OTOGL: variants seen among roughly 807,000 people sequenced by gnomAD.
OTOGL encodes the protein otogelin-like protein.
OTOGL carries 285 observed loss-of-function variants against 318.5 expected under a neutral mutation model. The observed-to-expected ratio is 0.89, with a 90% CI of 0.81 to 0.99. OTOGL has a LOEUF of 0.99. OTOGL is among the 50% of genes least tolerant of loss of function. The pLI, the probability that OTOGL is intolerant of heterozygous loss-of-function variation, is 0.00. For synonymous variants in OTOGL, 987 were observed against 936.5 expected, an observed-to-expected ratio of 1.05 and a Z score of -0.99; for missense variants, 2,899 against 2,845.6, an observed-to-expected ratio of 1.02 and a Z score of -0.43.
chr12:80,254,974 T>C, intron 15 of OTOGL, 66 bp from the exon 16 acceptor site: 1 of 1,272,382 alleles, frequency 7.9e-7, no homozygotes, highest in Non-Finnish European at 1.0e-6. Context: ...GGTATCATCC[T>C]CCTCTCTCTC....
Position 80,336,540 on chromosome 12 carries a change from A to G in OTOGL, c.4728A>G (p.Lys1576=). The G allele has an allele frequency of 6.2e-7, 1 of 1,608,408 alleles. No individual in the cohort carries two copies. Among genetic ancestry groups the G allele is most frequent in the Non-Finnish European group, 8.5e-7 (1 of 1,176,626 alleles). ...AAATTATAGTTGCTCATATCGAAAA[A>G]TGTTCCATGAATCAGGTGGGTCATA... ...PGEIIVAHIE[K]CSMNQNGNSL... is the part of the protein sequence containing the mutation. The change falls in exon 40 of 59, where the codon AAA becomes AAG. Residue 1576 remains lysine, a synonymous_variant. Transcript: ENST00000547103.
At chr12:80,128,143 G>C (rs534645312) in intron 1 of OTOGL, among the ~76,000 whole-genome samples, 7 of 152,294 alleles carry the variant, frequency 4.6e-5, no homozygotes, top group African/African-American at 1.7e-4. Context: ...CAGTTTTTCT[G>C]CTCTGTTTTT....
intron 1 of OTOGL, among the ~76,000 whole-genome samples, chr12:80,119,720 T>A (rs10862053): frequency 0.55 from 84,196 of 151,980 alleles, 23,506 homozygotes; most frequent in Middle Eastern, 0.58. Context: ...TAAAGGCAGA[T>A]ACTATGTCTT....
intron 43 of OTOGL, among the ~76,000 whole-genome samples, chr12:80,341,127 G>C (rs898840870): frequency 3.3e-5 from 5 of 151,964 alleles, no homozygotes; most frequent in African/African-American, 1.2e-4. Flanking sequence ...CTTAAAGTCG[G>C]GTGGGATTTG....
rs772004656 is a variant in OTOGL, at chr12:80,310,694, G to T, written c.3417G>T (p.Leu1139Phe). The T allele has an allele frequency of 3.1e-6, 5 of 1,590,878 alleles. No individual in the cohort carries two copies. The highest frequency in any genetic ancestry group is 4.3e-6 in the Non-Finnish European group (5 of 1,172,020). ...FPYAKKECSI[L>F]YSDIFASCRN... The stretch of plus-strand genomic sequence containing the variant: ...ATGCCAAGAAAGAATGCTCCATTTT[G>T]TACAGTGATATTTTTGCTTCTTGTC... Residue 1139 changes from leucine to phenylalanine, a missense_variant, in exon 30 of 59, where the codon TTG (leucine) becomes TTT (phenylalanine). Leu to Phe is a conservative substitution (Grantham distance 22, BLOSUM62 0). This residue lies in a region of OTOGL where 2,607 missense variants were observed against 2,524.9 expected (regional missense o/e 1.03). Coordinates refer to ENST00000547103, the MANE Select transcript of OTOGL (RefSeq NM_001378609.3).
At chr12:80,174,329 T>C (rs1180931405) in intron 1 of OTOGL, among the ~76,000 whole-genome samples, 4 of 152,208 alleles carry the variant, frequency 2.6e-5, no homozygotes, top group African/African-American at 7.2e-5. Context: ...AGGTGTACCA[T>C]AGTTTTCGAA....
intron 1 of OTOGL, among the ~76,000 whole-genome samples, chr12:80,178,061 C>CTTTTTTTTTTTTTTT (rs71094968): frequency 3.6e-4 from 27 of 74,936 alleles, no homozygotes; most frequent in South Asian, 5.6e-4. Flanking sequence ...TTCTTTCTTT[C>CTTTTTTTTTTTTTTT]TTTTTTTTTT....
At chr12:80,372,807 G>A (rs1423598265) in intron 57 of OTOGL, among the ~76,000 whole-genome samples, 4 of 151,812 alleles carry the variant, frequency 2.6e-5, no homozygotes, top group Non-Finnish European at 5.9e-5. Flanking sequence ...TCATGCCTCA[G>A]CCTCCTGAGT....
intron 42 of OTOGL, among the ~76,000 whole-genome samples, chr12:80,338,688 A>C (rs1888558718): frequency 6.6e-6 from 1 of 152,134 alleles, no homozygotes; most frequent in Non-Finnish European, 1.5e-5. Flanking sequence ...ACAATGATTT[A>C]GAAGATCAAG....
intron 28 of OTOGL, among the ~76,000 whole-genome samples, chr12:80,304,561 A>G (rs1395467024): frequency 6.6e-6 from 1 of 152,216 alleles, no homozygotes; most frequent in Non-Finnish European, 1.5e-5. Flanking sequence ...AATGTGAAAT[A>G]TGATTGTATA....
At chr12:80,187,898 G>A (rs557105607) in intron 1 of OTOGL, among the ~76,000 whole-genome samples, 1 of 152,162 alleles carries the variant, frequency 6.6e-6, no homozygotes, top group Non-Finnish European at 1.5e-5. Flanking sequence ...ACTATCTTGA[G>A]AAGGTCACCG....
At chr12:80,355,509 C>T (rs1361966394) in intron 46 of OTOGL, among the ~76,000 whole-genome samples, 1 of 152,060 alleles carries the variant, frequency 6.6e-6, no homozygotes, top group African/African-American at 2.4e-5. Flanking sequence ...TAGGCACGAG[C>T]CACTGCATCT....
intron 42 of OTOGL, among the ~76,000 whole-genome samples, chr12:80,338,017 T>C (rs572067232): frequency 4.1e-4 from 63 of 152,176 alleles, no homozygotes; most frequent in Admixed American, 1.5e-3. Flanking sequence ...GATGAACTCA[T>C]CACTGATCAT....
At chr12:80,327,845 G>A (rs1355584364) in intron 35 of OTOGL, among the ~76,000 whole-genome samples, 1 of 149,964 alleles carries the variant, frequency 6.7e-6, no homozygotes, top group African/African-American at 2.5e-5. Flanking sequence ...TGTAGTCCCA[G>A]CTACTTGGGA....
chr12:80,353,617 C>T (rs1482708670), intron 46 of OTOGL, 107 bp downstream of exon 46: 6 of 901,122 alleles, frequency 6.7e-6, no homozygotes, highest in Non-Finnish European at 9.0e-6. Flanking sequence ...AAGACAGCCT[C>T]TGTTGGAAAG....
chr12:80,339,374 A>G, intron 43 of OTOGL, 110 bp downstream of exon 43: 2 of 859,476 alleles, frequency 2.3e-6, no homozygotes. Flanking sequence ...TTCAGATTTG[A>G]GATGTGATAT....
rs147565751 is a variant in OTOGL, at chr12:80,153,455, C to T, written c.-20+53850C>T. ...TTGTGGGAGACACATTTAATCTATA[C>T]CTTCTCTGTCTTCACTCATGTATAG... is the stretch of plus-strand genomic sequence containing the variant. On this transcript the variant is annotated intron_variant, in intron 1 of 58. Coordinates refer to ENST00000547103, the MANE Select transcript of OTOGL (RefSeq NM_001378609.3). 2.2e-3 allele frequency among the ~76,000 whole-genome samples: 340 copies of T among 152,290 alleles called. 1 individual carries two copies. Among genetic ancestry groups the T allele is most frequent in the African/African-American group, 7.8e-3 (323 of 41,568 alleles).
intron 58 of OTOGL, 37 bp from the exon 59 acceptor site, chr12:80,377,811 A>G: frequency 1.1e-5 from 16 of 1,486,734 alleles, no homozygotes; most frequent in African/African-American, 1.4e-5. Flanking sequence ...TACTTTTAAA[A>G]GTTTAAGACT....
chr12:80,210,699 G>T, intron 2 of OTOGL, 148 bp from the exon 3 acceptor site: 1 of 535,734 alleles, frequency 1.9e-6, no homozygotes, highest in Non-Finnish European at 3.1e-6. Context: ...AAATTTGCTG[G>T]TCAAATCCCT....
Sources: allele counts gnomAD v4.1 joint callset (sites outside exome capture counted in the v4.1 genomes callset), GRCh38; gene constraint gnomAD v4.1.1; regional missense constraint gnomAD v4.1.1; transcripts MANE v1.5; gene names NCBI Gene and HGNC (gene_info 2026-07-23, HGNC 2026-07-21).